Variants in RPAP2 observed in about 807,000 individuals in gnomAD.
RPAP2 encodes putative RNA polymerase II subunit B1 CTD phosphatase RPAP2.
RPAP2 carries 52 observed loss-of-function variants against 73.1 expected under a neutral mutation model. The ratio of observed to expected loss-of-function variants is 0.71; its 90% CI spans 0.57 to 0.90. The LOEUF (loss-of-function observed/expected upper bound fraction) is 0.90. Among genes scored for constraint, RPAP2 ranks in the 40% least tolerant of loss-of-function variants. The pLI is 0.00. For synonymous variants in RPAP2, 225 were observed against 242.1 expected, an observed-to-expected ratio of 0.93 and a Z score of 0.65; for missense variants, 598 against 701.8, an observed-to-expected ratio of 0.85 and a Z score of 1.67.
intron 11 of RPAP2, among the ~76,000 whole-genome samples, chr1:92,377,754 T>C (rs542442698): frequency 1.3e-5 from 2 of 152,312 alleles, no homozygotes; most frequent in African/African-American, 4.8e-5. Flanking sequence ...GATTATGTCC[T>C]TGCTCTCCTT....
intron 11 of RPAP2, among the ~76,000 whole-genome samples, chr1:92,371,260 G>A (rs897612484): frequency 6.6e-6 from 1 of 150,922 alleles, no homozygotes. Context: ...AGCTGAGATC[G>A]TGCCATTGCA....
Position 92,348,637 on chromosome 1 carries a change from T to C in RPAP2, c.1688+2723T>C, listed in dbSNP as rs74101127. 8.0e-3 allele frequency among the ~76,000 whole-genome samples: 1,217 copies of C among 152,338 alleles called. 13 individuals are homozygous for C. The highest frequency in any genetic ancestry group is 0.028 in the African/African-American group (1,145 of 41,578). ...ATTCCCCTTTAGCTTTTCATATTTC[T>C]GCCCCCACTGGAAATCTGTGGCTCA... On this transcript the variant is annotated intron_variant, in intron 11 of 12. Transcript: ENST00000610020.
At chr1:92,305,450 A>AAAAAAAAAAAAG (rs1202528088) in intron 5 of RPAP2, among the ~76,000 whole-genome samples, 1 of 141,852 alleles carries the variant, frequency 7.0e-6, no homozygotes, top group African/African-American at 3.0e-5. Flanking sequence ...AAAAAAAAAA[A>AAAAAAAAAAAAG]AGACAATATG....
chr1:92,346,606 TTTTG>T (rs1653915717), intron 11 of RPAP2, among the ~76,000 whole-genome samples: 1 of 152,248 alleles, frequency 6.6e-6, no homozygotes, highest in Non-Finnish European at 1.5e-5. Flanking sequence ...TCTAATATTA[TTTTG>T]TTTGTCAACA....
intron 6 of RPAP2, among the ~76,000 whole-genome samples, chr1:92,317,092 A>T (rs567878144): frequency 3.7e-4 from 56 of 152,332 alleles, no homozygotes; most frequent in Admixed American, 8.5e-4. Flanking sequence ...TCTAACACTA[A>T]ATAGAGGCAA....
intron 11 of RPAP2, among the ~76,000 whole-genome samples, chr1:92,371,730 TA>T (rs918047935): frequency 7.5e-5 from 11 of 145,740 alleles, no homozygotes; most frequent in East Asian, 2.0e-4. Flanking sequence ...TGTGGAATCT[TA>T]AAAAAAAAAC....
chr1:92,339,197 T>C (rs1199402261), intron 10 of RPAP2, among the ~76,000 whole-genome samples: 2 of 152,106 alleles, frequency 1.3e-5, no homozygotes, highest in African/African-American at 4.8e-5. Context: ...CTAGAAACTT[T>C]AGGAAAAAAA....
Position 92,321,610 on chromosome 1 carries a change from G to A in RPAP2, c.524+976G>A, listed in dbSNP as rs6670011. 5.9e-3 allele frequency among the ~76,000 whole-genome samples: 900 copies of A among 152,224 alleles called. 8 individuals carry two copies. Among genetic ancestry groups the A allele is most frequent in the African/African-American group, 0.019 (794 of 41,562 alleles). ...TCAAGTTTGTATTGGCAAAGCTACT[G>A]TTGCCTTCCCTTTTTCGTAATTCTT... On this transcript the variant is annotated intron_variant, in intron 7 of 12. Transcript: ENST00000610020.
intron 11 of RPAP2, among the ~76,000 whole-genome samples, chr1:92,355,344 G>A (rs1212430175): frequency 5.9e-5 from 9 of 151,996 alleles, no homozygotes; most frequent in African/African-American, 9.7e-5. Flanking sequence ...GCAGTATGAG[G>A]GATTGGAGTA....
chr1:92,316,856 G>A (rs1428426468), intron 6 of RPAP2, among the ~76,000 whole-genome samples: 7 of 152,132 alleles, frequency 4.6e-5, no homozygotes, highest in South Asian at 4.1e-4. Context: ...ATTTTATATC[G>A]AATCTTGAAT....
intron 8 of RPAP2, among the ~76,000 whole-genome samples, chr1:92,328,170 C>T (rs886137102): frequency 6.6e-6 from 1 of 152,146 alleles, no homozygotes; most frequent in Admixed American, 6.5e-5. Flanking sequence ...CCCAGGTGTT[C>T]TTTGAGCTTC....
At position 92,324,196 on chromosome 1, in the gene RPAP2, T is replaced by C. The variant is rs146017763; in HGVS notation, c.1276T>C (p.Ser426Pro). 4 of 1,614,020 alleles carry C rather than the reference T, an allele frequency of 2.5e-6. No individual in the cohort carries two copies. The African/African-American group carries it at 5.3e-5, about 22-fold the overall frequency. Residue 426 changes from serine to proline, a missense_variant, in exon 8 of 13, where the codon TCT becomes CCT. Around this residue, in one of 3 missense-constraint regions of RPAP2, gnomAD observed 506 missense variants for 612.8 expected, o/e 0.83. Transcript: ENST00000610020. ...PDSHFPAWRE[S>P]QNSLDESLPF... ...TAGTCATTTCCCTGCCTGGAGGGAA[T>C]CTCAGAACAGCTTGGATGAGTCTTT...
rs115023977 is a variant in RPAP2, at chr1:92,304,539, A to G, written c.399+190A>G. Among the ~76,000 whole-genome samples, 675 of 152,348 alleles carry G rather than the reference A, an allele frequency of 4.4e-3. 2 individuals carry two copies. Among genetic ancestry groups the G allele is most frequent in the African/African-American group, 0.015 (644 of 41,580 alleles). ...TGTAAATATTTCAATCAAGGTATTA[A>G]AAATTTTTTTGCTTAAGCTTCAATT... On this transcript the variant is annotated intron_variant, in intron 5 of 12. Transcript: ENST00000610020.
chr1:92,315,331 C>G (rs887068613), intron 6 of RPAP2, among the ~76,000 whole-genome samples: 1 of 151,986 alleles, frequency 6.6e-6, no homozygotes, highest in African/African-American at 2.4e-5. Flanking sequence ...TTCATGGTAC[C>G]CCAAAGCAAT....
chr1:92,305,829 G>A (rs1415873842), intron 5 of RPAP2, among the ~76,000 whole-genome samples: 1 of 152,136 alleles, frequency 6.6e-6, no homozygotes, highest in Non-Finnish European at 1.5e-5. Context: ...AAATCTTTTT[G>A]CAACTAGTGG....
chr1:92,318,532 C>G (rs1347065628), intron 6 of RPAP2, among the ~76,000 whole-genome samples: 2 of 152,102 alleles, frequency 1.3e-5, no homozygotes, highest in African/African-American at 2.4e-5. Context: ...TTTCTACTCT[C>G]AAACTTTGAA....
chr1:92,378,129 C>CTCCT (rs2101441450), intron 11 of RPAP2, among the ~76,000 whole-genome samples: 1 of 152,276 alleles, frequency 6.6e-6, no homozygotes, highest in South Asian at 2.1e-4. Context: ...AAATACTAAT[C>CTCCT]TCCTTGAAAG....
In RPAP2 at chr1:92,358,943, T is replaced by C. The variant is rs189407886; in HGVS notation, c.1688+13029T>C. On this transcript the variant is annotated intron_variant, in intron 11 of 12. Coordinates refer to ENST00000610020, the MANE Select transcript of RPAP2 (RefSeq NM_024813.3). ...AGAAAAAACAAATAGACCTATCCTTTGTTCTTGACCTCAGGCTATCATCCA... is the reference window on the plus strand; with the variant it reads ...AGAAAAAACAAATAGACCTATCCTTCGTTCTTGACCTCAGGCTATCATCCA... Among the ~76,000 whole-genome samples the C allele has an allele frequency of 1.9e-3, 294 of 152,316 alleles. 3 individuals carry two copies. The highest frequency in any genetic ancestry group is 0.016 in the Admixed American group (247 of 15,294).
In RPAP2 at chr1:92,322,212, C is replaced by T. The variant is rs563967085; in HGVS notation, c.525-1233C>T. On this transcript the variant is annotated intron_variant, in intron 7 of 12. Coordinates refer to ENST00000610020, the MANE Select transcript of RPAP2 (RefSeq NM_024813.3). ...CCACCTGCCTTGGCCTCCCAAGGTG[C>T]TGGGATTACAGATGTGAGTCACCAC... 8.6e-5 allele frequency among the ~76,000 whole-genome samples: 13 copies of T among 151,208 alleles called. No homozygotes were observed. In the East Asian group the frequency reaches 2.4e-3, roughly 28 times the overall value.
Sources: allele counts gnomAD v4.1 joint callset (sites outside exome capture counted in the v4.1 genomes callset), GRCh38; gene constraint gnomAD v4.1.1; regional missense constraint gnomAD v4.1.1; transcripts MANE v1.5; gene names NCBI Gene and HGNC (gene_info 2026-07-23, HGNC 2026-07-21).